The following HS3ST4 variants were observed in gnomAD, a reference collection of about 807,000 sequenced individuals.
HS3ST4 encodes heparan sulfate glucosamine 3-O-sulfotransferase 4.
HS3ST4 carries 17 observed loss-of-function variants against 29.2 expected under a neutral mutation model. That is an observed-to-expected ratio of 0.58 (90% CI 0.40 to 0.87). HS3ST4 has a LOEUF of 0.87. Ranked by LOEUF, HS3ST4 falls within the 40% of genes least tolerant of loss-of-function variation. The pLI, the probability that HS3ST4 is intolerant of heterozygous loss-of-function variation, is 0.00. For missense variants in HS3ST4, 627 were observed against 634.5 expected, an observed-to-expected ratio of 0.99 and a Z score of 0.13; for synonymous variants, 314 against 285.7, an observed-to-expected ratio of 1.10 and a Z score of -1.00.
intron 1 of HS3ST4, among the ~76,000 whole-genome samples, chr16:25,775,119 G>A (rs566556246): frequency 5.9e-5 from 9 of 152,332 alleles, no homozygotes; most frequent in African/African-American, 2.2e-4. Context: ...AGGATTCGAG[G>A]AGCAGAAGTG....
chr16:25,811,322 G>T (rs940765626), intron 1 of HS3ST4, among the ~76,000 whole-genome samples: 1 of 151,382 alleles, frequency 6.6e-6, no homozygotes, highest in African/African-American at 2.4e-5. Flanking sequence ...TCAACATGAA[G>T]AAGAGGAAGA....
At chr16:25,977,741 GTTTA>G (rs1968958117) in intron 1 of HS3ST4, among the ~76,000 whole-genome samples, 1 of 152,204 alleles carries the variant, frequency 6.6e-6, no homozygotes, top group Admixed American at 6.5e-5. Flanking sequence ...GAAGGACATT[GTTTA>G]TTCTTTAATT....
intron 1 of HS3ST4, among the ~76,000 whole-genome samples, chr16:25,934,206 G>T (rs1015467503): frequency 6.6e-6 from 1 of 152,216 alleles, no homozygotes; most frequent in African/African-American, 2.4e-5. Flanking sequence ...TGCATTAGGA[G>T]TAGGTAACTA....
intron 1 of HS3ST4, among the ~76,000 whole-genome samples, chr16:25,709,088 T>A (rs80132193): frequency 6.2e-5 from 9 of 145,008 alleles, no homozygotes; most frequent in Non-Finnish European, 1.4e-4. Context: ...GGGGATATCT[T>A]TTTTTTTTTT....
intron 1 of HS3ST4, among the ~76,000 whole-genome samples, chr16:25,965,612 A>G (rs1274865726): frequency 6.6e-6 from 1 of 151,542 alleles, no homozygotes; most frequent in Non-Finnish European, 1.5e-5. Context: ...CTTCTGCAAA[A>G]CTCGACCTTG....
intron 1 of HS3ST4, among the ~76,000 whole-genome samples, chr16:25,878,319 T>A (rs1313920483): frequency 1.3e-5 from 2 of 152,140 alleles, no homozygotes; most frequent in African/African-American, 4.8e-5. Context: ...TGACCCCCAG[T>A]CTTCTATGTT....
At chr16:25,776,256 C>T (rs1197222147) in intron 1 of HS3ST4, among the ~76,000 whole-genome samples, 2 of 152,164 alleles carry the variant, frequency 1.3e-5, no homozygotes, top group Non-Finnish European at 2.9e-5. Context: ...GCCCCAGAAT[C>T]ACTAAGTTAA....
At chr16:25,839,628 T>G (rs554308890) in intron 1 of HS3ST4, among the ~76,000 whole-genome samples, 2 of 152,320 alleles carry the variant, frequency 1.3e-5, no homozygotes, top group East Asian at 3.9e-4. Flanking sequence ...TAGGGCTTTG[T>G]GTTATATTCT....
chr16:25,981,399 G>T (rs1969003877), intron 1 of HS3ST4, among the ~76,000 whole-genome samples: 1 of 151,964 alleles, frequency 6.6e-6, no homozygotes, highest in Admixed American at 6.6e-5. Context: ...GTTTCCATAT[G>T]AAAGGTGCGA....
chr16:25,855,101 T>A (rs1967562132), intron 1 of HS3ST4, among the ~76,000 whole-genome samples: 2 of 152,146 alleles, frequency 1.3e-5, no homozygotes, highest in African/African-American at 4.8e-5. Flanking sequence ...GGGGAACCAA[T>A]AGGTCATAGG....
At chr16:25,806,348 G>A (rs1036784612) in intron 1 of HS3ST4, among the ~76,000 whole-genome samples, 2 of 151,666 alleles carry the variant, frequency 1.3e-5, no homozygotes, top group Non-Finnish European at 2.9e-5. Context: ...TGTCTACGTG[G>A]GGGCAGGACA....
chr16:25,913,437 T>G (rs1368415552), intron 1 of HS3ST4, among the ~76,000 whole-genome samples: 1 of 152,048 alleles, frequency 6.6e-6, no homozygotes, highest in African/African-American at 2.4e-5. Flanking sequence ...GAGCAGGGAG[T>G]CTACCTTGAT....
intron 1 of HS3ST4, among the ~76,000 whole-genome samples, chr16:25,905,815 G>A (rs1388113905): frequency 6.6e-6 from 1 of 152,128 alleles, no homozygotes; most frequent in Non-Finnish European, 1.5e-5. Flanking sequence ...CAAACCCTTG[G>A]TTTCTCCTTG....
intron 1 of HS3ST4, among the ~76,000 whole-genome samples, chr16:25,720,473 G>A (rs1044441874): frequency 3.9e-5 from 6 of 152,256 alleles, no homozygotes; most frequent in African/African-American, 7.2e-5. Context: ...CAAGGTTACC[G>A]TAGGACCCCA....
chr16:25,702,351 A>G (rs757562411), intron 1 of HS3ST4, among the ~76,000 whole-genome samples: 1 of 152,210 alleles, frequency 6.6e-6, no homozygotes, highest in Non-Finnish European at 1.5e-5. Context: ...GTGAAAATAT[A>G]ATGGGAAAAA....
chr16:26,111,534 G>A (rs1899129104), intron 1 of HS3ST4, among the ~76,000 whole-genome samples: 4 of 152,040 alleles, frequency 2.6e-5, no homozygotes, highest in African/African-American at 7.3e-5. Flanking sequence ...AAAACAAGGG[G>A]ATGGTTAATA....
intron 1 of HS3ST4, among the ~76,000 whole-genome samples, chr16:25,735,110 A>C (rs2141595298): frequency 6.6e-6 from 1 of 152,376 alleles, no homozygotes; most frequent in South Asian, 2.1e-4. Flanking sequence ...AACAGAAAAT[A>C]CTGCCTTCAA....
At chr16:25,825,290 C>G (rs1461063900) in intron 1 of HS3ST4, 1 of 152,166 alleles carries the variant, frequency 6.6e-6, no homozygotes, top group Non-Finnish European at 1.5e-5. Context: ...CTTCTCAGCT[C>G]CAGAACTGTG....
chr16:25,889,425 A>C (rs771559946), intron 1 of HS3ST4, among the ~76,000 whole-genome samples: 18 of 152,170 alleles, frequency 1.2e-4, no homozygotes, highest in Admixed American at 3.9e-4. Context: ...GTGTCTTATG[A>C]TTGCTAAGGG....
Sources: gnomAD v4.1 joint callset for allele counts (sites outside exome capture counted in the v4.1 genomes callset) on GRCh38, gnomAD v4.1.1 for gene constraint, MANE v1.5 for transcripts, NCBI Gene and HGNC (gene_info 2026-07-23, HGNC 2026-07-21) for gene names.